TRAPPC12: variants seen among roughly 807,000 people sequenced by gnomAD.
TRAPPC12 encodes the protein trafficking protein particle complex subunit 12, also known as TPR repeat protein 15.
In TRAPPC12, 61 loss-of-function variants were observed where a neutral mutation model predicts 69.2. The ratio of observed to expected loss-of-function variants is 0.88; its 90% confidence interval spans 0.72 to 1.09. The LOEUF (loss-of-function observed/expected upper bound fraction) is 1.09. Among genes scored for constraint, TRAPPC12 ranks in the 50% least tolerant of loss-of-function variants. The pLI is 0.00. For synonymous variants in TRAPPC12, 469 were observed against 438.9 expected (o/e 1.07, Z -0.86); for missense variants, 1,101 against 1,016.4 (o/e 1.08, Z -1.13).
At chr2:3,392,045 T>C (rs912918398) in intron 2 of TRAPPC12, among the ~76,000 whole-genome samples, 1 of 152,080 alleles carries the variant, frequency 6.6e-6, no homozygotes, top group Non-Finnish European at 1.5e-5. Flanking sequence ...TTAGGTACAT[T>C]TGGAAAGGGG....
intron 2 of TRAPPC12, 171 bp downstream of exon 2, chr2:3,388,841 GTTTCC>G: frequency 6.2e-6 from 4 of 647,292 alleles, no homozygotes; most frequent in Non-Finnish European, 1.0e-5. Flanking sequence ...GGATCTGTTG[GTTTCC>G]CCAACAGAAC....
At chr2:3,439,464 T>G (rs1664073795) in intron 5 of TRAPPC12, among the ~76,000 whole-genome samples, 1 of 152,158 alleles carries the variant, frequency 6.6e-6, no homozygotes, top group Non-Finnish European at 1.5e-5. Context: ...TTGTATTTTT[T>G]GTAGAAACAA....
intron 6 of TRAPPC12, chr2:3,456,418 A>G (rs1665153980): frequency 6.6e-6 from 1 of 152,214 alleles, no homozygotes; most frequent in African/African-American, 2.4e-5. Context: ...AGAAGAAAAC[A>G]CAAAAAAAAG....
At chr2:3,456,070 C>G (rs1312344375) in intron 6 of TRAPPC12, 1 of 152,186 alleles carries the variant, frequency 6.6e-6, no homozygotes, top group Middle Eastern at 3.2e-3. Context: ...AAGGCAGATT[C>G]ACTGAAGAAT....
At chr2:3,430,675 T>A (rs776936375) in intron 5 of TRAPPC12, among the ~76,000 whole-genome samples, 1 of 152,266 alleles carries the variant, frequency 6.6e-6, no homozygotes, top group African/African-American at 2.4e-5. Context: ...AATACAAACA[T>A]AACCTTTTTT....
intron 2 of TRAPPC12, among the ~76,000 whole-genome samples, chr2:3,398,361 C>T (rs936733871): frequency 6.6e-6 from 1 of 152,120 alleles, no homozygotes; most frequent in Non-Finnish European, 1.5e-5. Context: ...GCTCCACATC[C>T]TTGAGTTTGG....
At position 3,464,211 on chromosome 2, in the gene TRAPPC12, G is replaced by A. The variant is rs577104141; in HGVS notation, c.1678-1386G>A. Reference sequence around the variant, plus strand: ...CACACACGCTTACACACACATGCTCGCACTCGCACAGCTAGACAGCAGAGA... The same window carrying A: ...CACACACGCTTACACACACATGCTCACACTCGCACAGCTAGACAGCAGAGA... On this transcript the variant is annotated intron_variant, in intron 8 of 11. Transcript: ENST00000324266. 7.2e-5 allele frequency among the ~76,000 whole-genome samples: 11 copies of A among 152,172 alleles called. No homozygotes were observed. The East Asian group carries it at 1.4e-3, about 19-fold the overall frequency.
At chr2:3,428,384 A>G (rs887730148) in intron 5 of TRAPPC12, among the ~76,000 whole-genome samples, 1 of 152,214 alleles carries the variant, frequency 6.6e-6, no homozygotes, top group African/African-American at 2.4e-5. Flanking sequence ...TAAATGTAAG[A>G]TTTTGATTCA....
intron 2 of TRAPPC12, among the ~76,000 whole-genome samples, chr2:3,393,385 CAAG>C (rs1660937740): frequency 6.6e-6 from 1 of 152,076 alleles, no homozygotes; most frequent in African/African-American, 2.4e-5. Flanking sequence ...TTCATTTATG[CAAG>C]AAGAAGGAAT....
At position 3,414,999 on chromosome 2, in the gene TRAPPC12, T is replaced by C. The variant is rs1320106266; in HGVS notation, c.1165-6882T>C. On this transcript the variant is annotated intron_variant, in intron 3 of 11. Coordinates refer to ENST00000324266, the MANE Select transcript of TRAPPC12 (RefSeq NM_016030.6). This position sits in a 1 kb window ranked among gnomAD's most constrained non-coding sequence, Gnocchi z 4.9. Reference sequence around the variant, plus strand: ...AATCCACGCGTGTGGAACCTGCAGATACGGAGGACCAACCAAGGACTTGAG... The same window carrying C: ...AATCCACGCGTGTGGAACCTGCAGACACGGAGGACCAACCAAGGACTTGAG... 1.3e-5 allele frequency among the ~76,000 whole-genome samples: 2 copies of C among 152,122 alleles called. No homozygotes were observed.
rs1666414123 is a variant in TRAPPC12, at chr2:3,478,834, C to G, written c.1878-12C>G. 6.2e-7 allele frequency: 1 copy of G among 1,613,626 alleles called. No individual in the cohort carries two copies. The highest frequency in any genetic ancestry group is 1.7e-5 in the Admixed American group (1 of 60,004). ...CTTTCCCCGCTAACTGCCACCGTTG[C>G]TTGTGTTACAGCGCGTTCCTTCACC... On this transcript the variant is annotated splice_polypyrimidine_tract_variant and intron_variant, in intron 10 of 11. Transcript: ENST00000324266.
At chr2:3,406,357 C>G (rs58079296) in intron 3 of TRAPPC12, among the ~76,000 whole-genome samples, 3 of 152,182 alleles carry the variant, frequency 2.0e-5, no homozygotes, top group Non-Finnish European at 4.4e-5. Flanking sequence ...CCCAAATTGC[C>G]TTTCTTCCCC....
In TRAPPC12 at chr2:3,381,578, C is replaced by T. The variant is rs561063253; in HGVS notation, c.-5+1702C>T. Among the ~76,000 whole-genome samples the T allele has an allele frequency of 5.9e-5, 9 of 152,166 alleles. No individual in the cohort carries two copies. In the East Asian group the frequency reaches 1.2e-3, roughly 20 times the overall value. On this transcript the variant is annotated intron_variant, in intron 1 of 11. Transcript: ENST00000324266. ...ATTTATAGTTTAATAAAAATAAAGC[C>T]AATGATAGGAGGGAGTAAAGATTTC...
Position 3,478,828 on chromosome 2 carries a change from C to CCGTTGCTTGTGTTACAGCG in TRAPPC12, c.1878-13_1883dup. ...CCTGGGCTTTCCCCGCTAACTGCCA[C>CCGTTGCTTGTGTTACAGCG]CGTTGCTTGTGTTACAGCGCGTTCC... On this transcript the variant is annotated splice_polypyrimidine_tract_variant and intron_variant, in intron 10 of 11. Coordinates refer to ENST00000324266, the MANE Select transcript of TRAPPC12 (RefSeq NM_016030.6). The CCGTTGCTTGTGTTACAGCG allele has an allele frequency of 1.2e-6, 2 of 1,613,022 alleles. No homozygotes were observed. The highest frequency in any genetic ancestry group is 8.5e-7 in the Non-Finnish European group (1 of 1,179,198).
rs763940436 is a variant in TRAPPC12, at chr2:3,388,561, G to T, written c.938G>T (p.Gly313Val). ...MDRRNDAWLP[G>V]EATRGVLRAV... ...CGGAGGAACGACGCCTGGCTTCCCG[G>T]CGAGGCTACGCGTGGAGTCCTGCGG... is the stretch of plus-strand genomic sequence containing the variant. The change falls in exon 2 of 12, where the codon GGC becomes GTC. Residue 313 changes from glycine to valine, a missense_variant. Gly to Val is a moderately radical substitution (Grantham distance 109). Transcript: ENST00000324266. 6 of 1,612,674 alleles carry T rather than the reference G, an allele frequency of 3.7e-6. No individual in the cohort carries two copies. Among genetic ancestry groups the T allele is most frequent in the Non-Finnish European group, 5.1e-6 (6 of 1,179,690 alleles).
At chr2:3,455,944 T>A (rs1223600853) in intron 6 of TRAPPC12, 2 of 152,214 alleles carry the variant, frequency 1.3e-5, no homozygotes, top group Non-Finnish European at 2.9e-5. Context: ...TTCTCCCTAG[T>A]GGTTGCACTG....
rs1042040216 is a variant in TRAPPC12, at chr2:3,381,672, C to T, written c.-5+1796C>T. 7.2e-5 allele frequency among the ~76,000 whole-genome samples: 11 copies of T among 152,168 alleles called. 1 individual carries two copies. The highest frequency in any genetic ancestry group is 1.2e-4 in the African/African-American group (5 of 41,446). Reference sequence around the variant, plus strand: ...TTAATTATGAACTATAAAGACTACCCGTAACACACATGTGAGATTTAAAGA... The same window carrying T: ...TTAATTATGAACTATAAAGACTACCTGTAACACACATGTGAGATTTAAAGA... On this transcript the variant is annotated intron_variant, in intron 1 of 11. Transcript: ENST00000324266.
At chr2:3,380,488 T>TC (rs777069482) in intron 1 of TRAPPC12, among the ~76,000 whole-genome samples, 35 of 152,274 alleles carry the variant, frequency 2.3e-4, no homozygotes, top group African/African-American at 8.2e-4. Context: ...TGTCATTTTT[T>TC]CACTCTTCAC....
At chr2:3,389,596 C>T (rs1558341571) in intron 2 of TRAPPC12, 1 of 457,060 alleles carries the variant, frequency 2.2e-6, no homozygotes. Context: ...GCCGGACTAA[C>T]GGGCATCTTA....
Sources: allele counts gnomAD v4.1 joint callset (sites outside exome capture counted in the v4.1 genomes callset), GRCh38; gene constraint gnomAD v4.1.1; non-coding constraint Gnocchi (gnomAD v3.1); transcripts MANE v1.5; gene names NCBI Gene and HGNC (gene_info 2026-07-23, HGNC 2026-07-21).